The following LTBP1 variants were observed in gnomAD, a reference collection of about 807,000 sequenced individuals.
LTBP1 encodes the protein latent-transforming growth factor beta-binding protein 1.
Under a neutral mutation model 207.6 loss-of-function variants are expected in LTBP1, and 129 were observed. That is an observed-to-expected ratio of 0.62 (90% confidence interval 0.54 to 0.72). The LOEUF (loss-of-function observed/expected upper bound fraction) is 0.72. Ranked by LOEUF, LTBP1 falls within the 30% of genes least tolerant of loss-of-function variation. The pLI is 0.00. For synonymous variants in LTBP1, 963 were observed against 833.7 expected (o/e 1.16, Z -2.67); for missense variants, 2,281 against 2,217.2 (o/e 1.03, Z -0.58).
intron 4 of LTBP1, among the ~76,000 whole-genome samples, chr2:33,114,187 G>C (rs1426464530): frequency 1.3e-5 from 2 of 152,172 alleles, no homozygotes; most frequent in African/African-American, 2.4e-5. Context: ...GTGGTGTTCT[G>C]CTTTATTTGT....
chr2:32,955,082 G>GT (rs1034074291), intron 2 of LTBP1, among the ~76,000 whole-genome samples: 1 of 152,180 alleles, frequency 6.6e-6, no homozygotes, highest in Non-Finnish European at 1.5e-5. Context: ...AATCTTTGGG[G>GT]TTTTTAACAA....
chr2:33,213,187 T>C (rs190986430), intron 7 of LTBP1, among the ~76,000 whole-genome samples: 1 of 152,288 alleles, frequency 6.6e-6, no homozygotes, highest in Admixed American at 6.5e-5. Flanking sequence ...TTGTGTGAGC[T>C]TTTTGAGGCA....
rs185014711 is a variant in LTBP1, at chr2:32,994,444, G to T, written c.566-26465G>T. Among the ~76,000 whole-genome samples the T allele has an allele frequency of 2.6e-5, 4 of 151,764 alleles. No individual in the cohort carries two copies. In the East Asian group the frequency reaches 7.7e-4, roughly 29 times the overall value. On this transcript the variant is annotated intron_variant, in intron 2 of 33. Coordinates refer to ENST00000404816, the MANE Select transcript of LTBP1 (RefSeq NM_206943.4). ...ATACCATCTGTTAACCTCAGAGTCT[G>T]CACGCTTATCTAATATTAGTGAGTC...
In LTBP1 at chr2:33,288,864, A is replaced by G. The variant is rs567759523; in HGVS notation, c.3113-4296A>G. Reference sequence around the variant, plus strand: ...AGCGAGACTCTGTCTCAAAAAAAAAAAAAAAAGAAAAAAGAAAAGAAGGTG... The same window carrying G: ...AGCGAGACTCTGTCTCAAAAAAAAAGAAAAAAGAAAAAAGAAAAGAAGGTG... On this transcript the variant is annotated intron_variant, in intron 19 of 33. Transcript: ENST00000404816. 2.7e-3 allele frequency among the ~76,000 whole-genome samples: 404 copies of G among 150,244 alleles called. 2 individuals are homozygous for G. Among genetic ancestry groups the G allele is most frequent in the African/African-American group, 9.2e-3 (382 of 41,358 alleles).
chr2:33,240,802 C>T (rs1388460694), intron 9 of LTBP1, among the ~76,000 whole-genome samples: 2 of 152,006 alleles, frequency 1.3e-5, no homozygotes, highest in Non-Finnish European at 2.9e-5. Flanking sequence ...AGGCACCTGC[C>T]ACCACGCCTG....
At chr2:33,028,951 C>T (rs62135744) in intron 3 of LTBP1, among the ~76,000 whole-genome samples, 11,394 of 152,140 alleles carry the variant, frequency 0.075, 466 homozygotes, top group Middle Eastern at 0.099. Context: ...CTTGAAATTT[C>T]CTAGTACTCA....
At chr2:33,174,814 G>C (rs2085853618) in intron 5 of LTBP1, among the ~76,000 whole-genome samples, 2 of 152,034 alleles carry the variant, frequency 1.3e-5, no homozygotes, top group Admixed American at 1.3e-4. Flanking sequence ...CAGAGATATA[G>C]ATCAATGGAA....
chr2:33,094,039 C>T (rs896689362), intron 3 of LTBP1, among the ~76,000 whole-genome samples: 3 of 152,064 alleles, frequency 2.0e-5, no homozygotes, highest in African/African-American at 7.2e-5. Context: ...TGGGTTCTGG[C>T]AATACAAGGT....
intron 3 of LTBP1, among the ~76,000 whole-genome samples, chr2:33,094,125 T>C (rs2150060110): frequency 6.6e-6 from 1 of 152,216 alleles, no homozygotes; most frequent in South Asian, 2.1e-4. Context: ...TGCAGACTAT[T>C]TACAATTTTT....
intron 22 of LTBP1, among the ~76,000 whole-genome samples, chr2:33,309,155 C>T (rs891034605): frequency 1.2e-4 from 18 of 151,614 alleles, no homozygotes; most frequent in Non-Finnish European, 2.4e-4. Flanking sequence ...TGGTGGTGGG[C>T]GCCTATAATC....
At chr2:33,131,775 A>G (rs563588046) in intron 4 of LTBP1, among the ~76,000 whole-genome samples, 1 of 152,360 alleles carries the variant, frequency 6.6e-6, no homozygotes, top group South Asian at 2.1e-4. Flanking sequence ...CATTGTAAAA[A>G]TCAGAATTAA....
In LTBP1 at chr2:33,341,729, A is replaced by AAAATATATATATATAT. The variant is rs745445793; in HGVS notation, c.3731-1108_3731-1107insAATATATATATATATA. ...CCGTCTCACTCAAAAAAAAAAAAAA[A>AAAATATATATATATAT]ATATATATATATATATGTATATTTA... On this transcript the variant is annotated intron_variant, in intron 24 of 33. Transcript: ENST00000404816. Among the ~76,000 whole-genome samples the AAAATATATATATATAT allele has an allele frequency of 2.3e-3, 211 of 93,586 alleles. 5 individuals are homozygous for AAAATATATATATATAT. The East Asian group carries it at 0.037, about 17-fold the overall frequency. The allele number at this position is 93,586 out of a possible 152,430, so 61.4% of individuals were successfully genotyped here. A position where few individuals can be genotyped will look rare whatever the true frequency, so the allele number is the denominator to read the frequency against.
At chr2:33,104,949 T>G (rs2079972594) in intron 3 of LTBP1, among the ~76,000 whole-genome samples, 1 of 152,206 alleles carries the variant, frequency 6.6e-6, no homozygotes, top group African/African-American at 2.4e-5. Flanking sequence ...CTTGAAACCT[T>G]CAAGTTGCTG....
intron 7 of LTBP1, among the ~76,000 whole-genome samples, chr2:33,194,529 C>T (rs529773799): frequency 6.6e-6 from 1 of 152,200 alleles, no homozygotes; most frequent in African/African-American, 2.4e-5. Flanking sequence ...CCACAACATT[C>T]TCTTCAGCCA....
chr2:33,141,865 T>A (rs1037259501), intron 5 of LTBP1, among the ~76,000 whole-genome samples: 1 of 152,136 alleles, frequency 6.6e-6, no homozygotes, highest in Non-Finnish European at 1.5e-5. Flanking sequence ...CTGCTTTGTA[T>A]CAGGGAATCA....
chr2:33,125,410 CT>C, intron 4 of LTBP1, among the ~76,000 whole-genome samples: 1 of 152,218 alleles, frequency 6.6e-6, no homozygotes, highest in South Asian at 2.1e-4. Flanking sequence ...GTATACGGTG[CT>C]TTTGTGCATT....
intron 26 of LTBP1, among the ~76,000 whole-genome samples, chr2:33,349,373 A>G (rs960074975): frequency 6.6e-6 from 1 of 152,088 alleles, no homozygotes; most frequent in Non-Finnish European, 1.5e-5. Flanking sequence ...CACATGAGGC[A>G]AGGTTGCAGT....
At chr2:33,153,753 C>G (rs146725168) in intron 5 of LTBP1, among the ~76,000 whole-genome samples, 1 of 152,290 alleles carries the variant, frequency 6.6e-6, no homozygotes, top group East Asian at 1.9e-4. Flanking sequence ...TTAACAGCAT[C>G]TTGAATTTTT....
intron 15 of LTBP1, among the ~76,000 whole-genome samples, chr2:33,273,034 A>G (rs896753794): frequency 2.0e-5 from 3 of 152,216 alleles, no homozygotes; most frequent in Admixed American, 1.3e-4. Context: ...AATTTAGCAG[A>G]AAAGATTTGG....
Sources: allele counts gnomAD v4.1 joint callset (sites outside exome capture counted in the v4.1 genomes callset), GRCh38; gene constraint gnomAD v4.1.1; transcripts MANE v1.5; gene names NCBI Gene and HGNC (gene_info 2026-07-23, HGNC 2026-07-21).